Variants in MUC7 observed in about 807,000 individuals in gnomAD.
The protein encoded by MUC7 is mucin 7, secreted.
In MUC7, 2 loss-of-function variants were observed where a neutral mutation model predicts 2.5. The observed-to-expected ratio is 0.81, with a 90% CI of 0.33 to 2.55. The LOEUF is 2.55. Among genes scored for constraint, MUC7 ranks in the 30% most tolerant of loss-of-function variants. MUC7 has a pLI of 0.11. For synonymous variants in MUC7, 133 were observed against 173.4 expected (o/e 0.77, Z 1.83); for missense variants, 408 against 455.6 (o/e 0.90, Z 0.95).
rs926955723 is a variant in MUC7 at position 70,433,133 on chromosome 4, C to G, written c.-93+2446C>G. ...TACCATGCTGTTTTGGTTACTGTAGCCTTGTAGTAAAGTTTGAAGTCAGGT... is the reference window on the plus strand; with the variant it reads ...TACCATGCTGTTTTGGTTACTGTAGGCTTGTAGTAAAGTTTGAAGTCAGGT... On this transcript the variant is annotated intron_variant, in intron 1 of 3. Coordinates refer to the MUC7 transcript ENST00000413702. Among the ~76,000 whole-genome samples the G allele has an allele frequency of 2.6e-5, 4 of 152,252 alleles. No individual in the cohort carries two copies. In the South Asian group the frequency reaches 8.3e-4, roughly 32 times the overall value.
chr4:70,437,662 C>T (rs1043869010), intron 1 of MUC7, among the ~76,000 whole-genome samples: 1 of 152,150 alleles, frequency 6.6e-6, no homozygotes. Context: ...GGAAATTCCC[C>T]GACTCCTTGC....
chr4:70,465,266 A>G (rs2109731144), intron 1 of MUC7, among the ~76,000 whole-genome samples: 1 of 152,352 alleles, frequency 6.6e-6, no homozygotes, highest in South Asian at 2.1e-4. Context: ...TCAAAGACCA[A>G]TGGTAGATAA....
chr4:70,446,133 C>T (rs1452853498), intron 1 of MUC7, among the ~76,000 whole-genome samples: 4 of 152,132 alleles, frequency 2.6e-5, no homozygotes, highest in African/African-American at 9.7e-5. Context: ...CAGATCCAGG[C>T]TCTCAAATCC....
At position 70,481,080 on chromosome 4, in the gene MUC7, A is replaced by T; in HGVS notation, c.336A>T (p.Pro112=). Residue 112 remains proline, a synonymous_variant, in exon 3 of 3, where the codon CCA becomes CCT. Coordinates refer to ENST00000304887, the MANE Select transcript of MUC7 (RefSeq NM_152291.3). ...NPTLVATTQI[P]SVTFPSASTK... is the part of the protein sequence containing the mutation. ...CCTTAGTGGCTACAACCCAAATTCC[A>T]TCTGTGACTTTCCCATCAGCTTCCA... 1 of 1,614,060 alleles carries T rather than the reference A, an allele frequency of 6.2e-7. No homozygotes were observed. The highest frequency in any genetic ancestry group is 8.5e-7 in the Non-Finnish European group (1 of 1,180,006).
chr4:70,458,650 C>G (rs1474808690), intron 1 of MUC7, among the ~76,000 whole-genome samples: 1 of 151,540 alleles, frequency 6.6e-6, no homozygotes, highest in Non-Finnish European at 1.5e-5. Flanking sequence ...AAAAGAGAAA[C>G]AAAACAGCTT....
intron 1 of MUC7, among the ~76,000 whole-genome samples, chr4:70,432,683 G>A (rs554583202): frequency 6.6e-6 from 1 of 152,094 alleles, no homozygotes; most frequent in Non-Finnish European, 1.5e-5. Context: ...TCTGCAGGTT[G>A]CCTGTTTATT....
chr4:70,465,017 A>T (rs1734647407), intron 1 of MUC7, among the ~76,000 whole-genome samples: 1 of 151,860 alleles, frequency 6.6e-6, no homozygotes, highest in South Asian at 2.1e-4. Flanking sequence ...GGCATCTGGC[A>T]AGTGCCCCTC....
At chr4:70,448,876 T>A (rs1734209476) in intron 1 of MUC7, among the ~76,000 whole-genome samples, 1 of 152,176 alleles carries the variant, frequency 6.6e-6, no homozygotes, top group Non-Finnish European at 1.5e-5. Context: ...GTTTCCCCAA[T>A]GTTTTCTTTT....
At chr4:70,433,382 T>C (rs1358521152) in intron 1 of MUC7, among the ~76,000 whole-genome samples, 1 of 152,214 alleles carries the variant, frequency 6.6e-6, no homozygotes, top group Non-Finnish European at 1.5e-5. Flanking sequence ...TTCTTCCATT[T>C]GTTTGTGTCC....
chr4:70,463,923 G>A (rs772948996), intron 1 of MUC7, among the ~76,000 whole-genome samples: 4 of 152,114 alleles, frequency 2.6e-5, no homozygotes, highest in Admixed American at 2.0e-4. Flanking sequence ...TTTTACATTC[G>A]TAAAGTTAAA....
At chr4:70,479,763 A>G (rs1735113804) in intron 2 of MUC7, among the ~76,000 whole-genome samples, 2 of 152,212 alleles carry the variant, frequency 1.3e-5, no homozygotes, top group Non-Finnish European at 2.9e-5. Context: ...GATGACCCAC[A>G]TGGCATAGAA....
chr4:70,481,596 A>G lies in MUC7; in HGVS notation c.852A>G (p.Pro284=). Residue 284 remains proline, a synonymous_variant, in exon 3 of 3, where the codon CCA becomes CCG. Transcript: ENST00000304887. ...ASAPPETTAA[P]PTPSATTPAP... ...CTCCACCAGAGACCACAGCTGCCCC[A>G]CCCACACCTTCTGCAACTACACCAG... 6.2e-7 allele frequency: 1 copy of G among 1,611,398 alleles called. No individual in the cohort carries two copies. Among genetic ancestry groups the G allele is most frequent in the African/African-American group, 1.4e-5 (1 of 73,824 alleles).
At chr4:70,452,837 A>T (rs1352271425) in intron 1 of MUC7, among the ~76,000 whole-genome samples, 1 of 152,186 alleles carries the variant, frequency 6.6e-6, no homozygotes, top group Non-Finnish European at 1.5e-5. Flanking sequence ...TTTCTTTCAG[A>T]TCAAAGAATT....
chr4:70,475,530 A>G (rs956437616), intron 2 of MUC7, among the ~76,000 whole-genome samples: 1 of 152,156 alleles, frequency 6.6e-6, no homozygotes, highest in African/African-American at 2.4e-5. Flanking sequence ...AGGACCCACA[A>G]GAGGGGACAG....
intron 1 of MUC7, among the ~76,000 whole-genome samples, chr4:70,449,783 T>C (rs928189932): frequency 6.6e-6 from 1 of 152,190 alleles, no homozygotes; most frequent in Non-Finnish European, 1.5e-5. Flanking sequence ...TCTCTTCTCT[T>C]ACATTCTCCC....
intron 1 of MUC7, among the ~76,000 whole-genome samples, chr4:70,455,861 T>C (rs1281659346): frequency 1.3e-5 from 2 of 152,142 alleles, no homozygotes; most frequent in African/African-American, 2.4e-5. Context: ...TACATACCCA[T>C]GGGAAATCTG....
At chr4:70,445,466 C>A (rs1734108299) in intron 1 of MUC7, among the ~76,000 whole-genome samples, 1 of 152,152 alleles carries the variant, frequency 6.6e-6, no homozygotes, top group Non-Finnish European at 1.5e-5. Context: ...ATATAAATTC[C>A]TTTGATACTA....
chr4:70,469,331 C>A (rs928887445), upstream of MUC7, among the ~76,000 whole-genome samples: 1 of 152,184 alleles, frequency 6.6e-6, no homozygotes, highest in Non-Finnish European at 1.5e-5. Context: ...CAATAACATT[C>A]AGGACACAGG....
chr4:70,462,118 C>T (rs12645015), intron 1 of MUC7, among the ~76,000 whole-genome samples: 13,733 of 149,970 alleles, frequency 0.092, 794 homozygotes, highest in East Asian at 0.21. Context: ...GAAGCTGAGG[C>T]GGGAGGATCA....
Sources: gnomAD v4.1 joint callset for allele counts (sites outside exome capture counted in the v4.1 genomes callset) on GRCh38, gnomAD v4.1.1 for gene constraint, MANE v1.5 for transcripts, NCBI Gene and HGNC (gene_info 2026-07-23, HGNC 2026-07-21) for gene names.